EPHA6: variants seen among roughly 807,000 people sequenced by gnomAD.
The protein encoded by EPHA6 is EPH receptor A6, also known as ephrin type-A receptor 6.
A neutral mutation model predicts 112.0 loss-of-function variants in EPHA6; 50 were observed. The ratio of observed to expected loss-of-function variants is 0.45; its 90% CI spans 0.36 to 0.56. The LOEUF is 0.56. EPHA6 is among the 20% of genes least tolerant of loss of function. The pLI, the probability that EPHA6 is intolerant of heterozygous loss-of-function variation, is 0.00. For synonymous variants in EPHA6, 529 were observed against 490.7 expected, an observed-to-expected ratio of 1.08 and a Z score of -1.03; for missense variants, 1,280 against 1,417.4, an observed-to-expected ratio of 0.90 and a Z score of 1.56.
At chr3:97,471,910 T>C (rs2091241363) in intron 7 of EPHA6, among the ~76,000 whole-genome samples, 1 of 151,762 alleles carries the variant, frequency 6.6e-6, no homozygotes, top group African/African-American at 2.4e-5. Context: ...GCATGCTCCC[T>C]CCAAAGTTTC....
intron 3 of EPHA6, among the ~76,000 whole-genome samples, chr3:97,147,816 A>G (rs1267399534): frequency 1.3e-5 from 2 of 152,112 alleles, no homozygotes; most frequent in Non-Finnish European, 2.9e-5. Flanking sequence ...GGTGATAACA[A>G]CTAAAGCATT....
At chr3:97,260,957 C>G (rs561065417) in intron 5 of EPHA6, among the ~76,000 whole-genome samples, 10 of 152,274 alleles carry the variant, frequency 6.6e-5, no homozygotes, top group Non-Finnish European at 8.8e-5. Flanking sequence ...GATGCAAACA[C>G]CACAACCACA....
intron 3 of EPHA6, among the ~76,000 whole-genome samples, chr3:97,215,947 A>G (rs1328079449): frequency 1.3e-5 from 2 of 152,182 alleles, no homozygotes; most frequent in Non-Finnish European, 2.9e-5. Flanking sequence ...CTTTTTGACA[A>G]TTCACTAACA....
At chr3:97,047,725 G>A (rs958585588) in intron 3 of EPHA6, among the ~76,000 whole-genome samples, 2 of 151,570 alleles carry the variant, frequency 1.3e-5, no homozygotes, top group African/African-American at 4.9e-5. Flanking sequence ...TAGTAGTACA[G>A]AGTACTAAAT....
chr3:97,325,608 C>A (rs2082381271), intron 5 of EPHA6, among the ~76,000 whole-genome samples: 1 of 152,008 alleles, frequency 6.6e-6, no homozygotes, highest in Admixed American at 6.6e-5. Context: ...AAAACAGTAC[C>A]TGGTGCATGA....
chr3:96,963,310 T>C (rs1057066363), intron 2 of EPHA6, among the ~76,000 whole-genome samples: 2 of 152,158 alleles, frequency 1.3e-5, no homozygotes, highest in Admixed American at 6.6e-5. Context: ...CATTTTCACA[T>C]AGAACACCAA....
At chr3:97,273,874 G>T (rs1334046567) in intron 5 of EPHA6, among the ~76,000 whole-genome samples, 1 of 152,160 alleles carries the variant, frequency 6.6e-6, no homozygotes. Flanking sequence ...CAGTGAAATT[G>T]TCTACCCAGA....
At chr3:97,019,301 C>T (rs1416476700) in intron 3 of EPHA6, among the ~76,000 whole-genome samples, 3 of 152,110 alleles carry the variant, frequency 2.0e-5, no homozygotes, top group Non-Finnish European at 4.4e-5. Context: ...TGATACAAGA[C>T]TTTTCTAATC....
intron 11 of EPHA6, among the ~76,000 whole-genome samples, chr3:97,559,148 T>C (rs1362218962): frequency 6.6e-6 from 1 of 151,854 alleles, no homozygotes; most frequent in Non-Finnish European, 1.5e-5. Context: ...CCAAAACAGG[T>C]AGAATTAAAA....
chr3:97,280,877 T>C (rs550503154), intron 5 of EPHA6, among the ~76,000 whole-genome samples: 110 of 152,316 alleles, frequency 7.2e-4, no homozygotes, highest in African/African-American at 2.5e-3. Flanking sequence ...TCCCACAAGA[T>C]AAGCAATTTG....
intron 3 of EPHA6, among the ~76,000 whole-genome samples, chr3:97,047,807 A>G (rs909747749): frequency 1.3e-5 from 2 of 152,148 alleles, no homozygotes; most frequent in Admixed American, 6.6e-5. Context: ...ACTAAAAACC[A>G]TATCAAGACA....
intron 5 of EPHA6, among the ~76,000 whole-genome samples, chr3:97,317,837 A>C (rs1261478498): frequency 6.6e-6 from 1 of 151,994 alleles, no homozygotes; most frequent in Non-Finnish European, 1.5e-5. Context: ...GGTACAGGGC[A>C]ACATGGAATC....
At chr3:97,104,307 C>T (rs1025572612) in intron 3 of EPHA6, among the ~76,000 whole-genome samples, 8 of 151,966 alleles carry the variant, frequency 5.3e-5, no homozygotes, top group South Asian at 2.1e-4. Flanking sequence ...CTTACTATTT[C>T]GTGATATGTT....
chr3:97,130,969 CA>C (rs1407707028), intron 3 of EPHA6, among the ~76,000 whole-genome samples: 1 of 152,062 alleles, frequency 6.6e-6, no homozygotes, highest in South Asian at 2.1e-4. Context: ...TTAATTGACA[CA>C]AAGTGATCTT....
chr3:97,243,492 G>A (rs2078905724), intron 4 of EPHA6, among the ~76,000 whole-genome samples: 2 of 151,476 alleles, frequency 1.3e-5, no homozygotes, highest in African/African-American at 4.8e-5. Context: ...TGATGAATGG[G>A]GATTTTATCT....
At chr3:97,551,966 A>G (rs2093034910) in intron 11 of EPHA6, among the ~76,000 whole-genome samples, 1 of 152,152 alleles carries the variant, frequency 6.6e-6, no homozygotes, top group African/African-American at 2.4e-5. Flanking sequence ...GAAACTAGTT[A>G]TTTCCCTAAA....
intron 15 of EPHA6, among the ~76,000 whole-genome samples, chr3:97,724,392 A>G (rs1391344710): frequency 6.6e-6 from 1 of 152,194 alleles, no homozygotes; most frequent in Non-Finnish European, 1.5e-5. Flanking sequence ...AGCAGGTACC[A>G]TCTGCTTAGC....
intron 5 of EPHA6, among the ~76,000 whole-genome samples, chr3:97,377,998 A>G (rs1210343475): frequency 6.6e-6 from 1 of 152,252 alleles, no homozygotes; most frequent in Non-Finnish European, 1.5e-5. Context: ...ATGAGGAGCC[A>G]AACATTAATC....
chr3:96,862,108 A>G (rs1331835446), intron 1 of EPHA6, among the ~76,000 whole-genome samples: 2 of 151,984 alleles, frequency 1.3e-5, no homozygotes, highest in African/African-American at 4.8e-5. Flanking sequence ...AAACAGTATT[A>G]TATTTAAATG....
Sources: gnomAD v4.1 joint callset for allele counts (sites outside exome capture counted in the v4.1 genomes callset) on GRCh38, gnomAD v4.1.1 for gene constraint, MANE v1.5 for transcripts, NCBI Gene and HGNC (gene_info 2026-07-23, HGNC 2026-07-21) for gene names.